GALNT13: variants seen among roughly 807,000 people sequenced by gnomAD.
GALNT13 encodes polypeptide N-acetylgalactosaminyltransferase 13.
Under a neutral mutation model 64.2 loss-of-function variants are expected in GALNT13, and 28 were observed. The ratio of observed to expected loss-of-function variants is 0.44; its 90% CI spans 0.32 to 0.60. The LOEUF (loss-of-function observed/expected upper bound fraction) is 0.60, where lower values mean the gene tolerates loss of function less well. Among genes scored for constraint, GALNT13 ranks in the 20% least tolerant of loss-of-function variants. GALNT13 has a pLI of 0.05. For missense variants in GALNT13, 577 were observed against 669.8 expected (o/e 0.86, Z 1.53); for synonymous variants, 214 against 224.6 (o/e 0.95, Z 0.42).
At chr2:153,666,710 C>G in the GALNT13 span, among the ~76,000 whole-genome samples, 8 of 152,146 alleles carry the variant, frequency 5.3e-5, no homozygotes, top group Non-Finnish European at 1.0e-4. Context: ...TTGGCCCACA[C>G]AAATGAGAAA....
the GALNT13 span, among the ~76,000 whole-genome samples, chr2:153,512,535 T>C: frequency 6.6e-6 from 1 of 152,184 alleles, no homozygotes; most frequent in Non-Finnish European, 1.5e-5. Context: ...TCACACTTCC[T>C]TTGCTTACTA....
intron 3 of GALNT13, among the ~76,000 whole-genome samples, chr2:154,104,176 G>A (rs959212205): frequency 6.6e-6 from 1 of 151,118 alleles, no homozygotes; most frequent in African/African-American, 2.4e-5. Context: ...TTATCTTCAG[G>A]GCATGATGCA....
At chr2:154,428,927 A>C (rs1032512016) in intron 11 of GALNT13, among the ~76,000 whole-genome samples, 3 of 151,814 alleles carry the variant, frequency 2.0e-5, no homozygotes, top group Admixed American at 2.0e-4. Flanking sequence ...GCCACCACTA[A>C]CTATTGTTAA....
Position 153,884,785 on chromosome 2 carries a change from A to ATATATATATATATATG in GALNT13, c.-177+12483_-177+12484insATATATATATATATGT, listed in dbSNP as rs1450308010. On this transcript the variant is annotated intron_variant, in intron 1 of 12. Coordinates refer to ENST00000392825, the MANE Select transcript of GALNT13 (RefSeq NM_052917.4). Reference sequence around the variant, plus strand: ...AATACGAATATATATATATATATATATGTGTGTGTATATATATATATGTGT... The same window carrying ATATATATATATATATG: ...AATACGAATATATATATATATATATATATATATATATATATGTGTGTGTGTATATATATATATGTGT... Among the ~76,000 whole-genome samples the ATATATATATATATATG allele has an allele frequency of 1.7e-3, 212 of 122,490 alleles. 7 individuals are homozygous for ATATATATATATATATG. Among genetic ancestry groups the ATATATATATATATATG allele is most frequent in the African/African-American group, 7.0e-3 (199 of 28,596 alleles). 80.4% of individuals were successfully genotyped at this position (122,490 alleles called of 152,430 possible).
In GALNT13 at chr2:154,299,088, T is replaced by C. The variant is rs1036124286; in HGVS notation, c.976-2321T>C. ...AAAATATATATTTTATATTATTTAATGGTAAAAGGAAACAGATAGGATATA... is the reference window on the plus strand; with the variant it reads ...AAAATATATATTTTATATTATTTAACGGTAAAAGGAAACAGATAGGATATA... On this transcript the variant is annotated intron_variant, in intron 8 of 12. Transcript: ENST00000392825. 2.7e-5 allele frequency among the ~76,000 whole-genome samples: 4 copies of C among 148,810 alleles called. No homozygotes were observed. The East Asian group carries it at 5.8e-4, about 22-fold the overall frequency.
At chr2:153,802,695 G>A in the GALNT13 span, among the ~76,000 whole-genome samples, 1 of 152,338 alleles carries the variant, frequency 6.6e-6, no homozygotes, top group South Asian at 2.1e-4. Flanking sequence ...CTGCAGAGGA[G>A]AAATAGCTTC....
At chr2:153,655,619 T>A in the GALNT13 span, among the ~76,000 whole-genome samples, 1 of 152,126 alleles carries the variant, frequency 6.6e-6, no homozygotes, top group South Asian at 2.1e-4. Context: ...GTTATGAAAC[T>A]CATTCAGAAT....
chr2:154,082,757 T>G lies in GALNT13; in HGVS notation c.143-57580T>G, dbSNP rs556948699. ...TCCTTTGCCCACTTTTTGATGGGTTTGTTTGTTTGTTTCTTGAAAATTTGT... is the reference window on the plus strand; with the variant it reads ...TCCTTTGCCCACTTTTTGATGGGTTGGTTTGTTTGTTTCTTGAAAATTTGT... On this transcript the variant is annotated intron_variant, in intron 3 of 12. Transcript: ENST00000392825. Among the ~76,000 whole-genome samples the G allele has an allele frequency of 4.4e-4, 67 of 151,928 alleles. No homozygotes were observed. In the South Asian group the frequency reaches 0.012, roughly 28 times the overall value.
At chr2:154,025,280 G>A (rs979302740) in intron 3 of GALNT13, among the ~76,000 whole-genome samples, 8 of 152,166 alleles carry the variant, frequency 5.3e-5, no homozygotes, top group Non-Finnish European at 1.2e-4. Flanking sequence ...GCTGTAGACT[G>A]GAGCTGTTCC....
At chr2:154,406,063 T>G (rs986054988) in intron 10 of GALNT13, among the ~76,000 whole-genome samples, 1 of 152,120 alleles carries the variant, frequency 6.6e-6, no homozygotes, top group African/African-American at 2.4e-5. Context: ...GCCACAGATA[T>G]ATTTATCAAC....
At chr2:153,758,352 C>T in the GALNT13 span, among the ~76,000 whole-genome samples, 1 of 148,536 alleles carries the variant, frequency 6.7e-6, no homozygotes, top group Non-Finnish European at 1.5e-5. Context: ...ATGGATGTGT[C>T]TATTCTTATG....
At chr2:153,758,100 T>A in the GALNT13 span, among the ~76,000 whole-genome samples, 1 of 152,164 alleles carries the variant, frequency 6.6e-6, no homozygotes, top group Non-Finnish European at 1.5e-5. Context: ...TCTCTTTTAG[T>A]AGTTTTACAG....
intron 4 of GALNT13, among the ~76,000 whole-genome samples, chr2:154,216,802 C>CTTTTTTTTT (rs397872685): frequency 8.4e-5 from 6 of 71,296 alleles, no homozygotes; most frequent in African/African-American, 1.6e-4. Flanking sequence ...TTCTCTCTCT[C>CTTTTTTTTT]TTTTTTTTTT....
At chr2:154,410,648 C>A (rs1699751327) in intron 11 of GALNT13, among the ~76,000 whole-genome samples, 1 of 151,836 alleles carries the variant, frequency 6.6e-6, no homozygotes, top group Admixed American at 6.6e-5. Context: ...TATTTAACCC[C>A]ACACTCACAA....
chr2:153,761,266 A>G, the GALNT13 span, among the ~76,000 whole-genome samples: 5 of 152,128 alleles, frequency 3.3e-5, no homozygotes, highest in Admixed American at 3.3e-4. Context: ...ACCATTTTGT[A>G]ATTTATTTTC....
chr2:153,918,977 A>G (rs1456371688), intron 2 of GALNT13, among the ~76,000 whole-genome samples: 13 of 152,224 alleles, frequency 8.5e-5, no homozygotes, highest in African/African-American at 3.1e-4. Context: ...AAGCTCACCA[A>G]AGTTAGTTGT....
the GALNT13 span, among the ~76,000 whole-genome samples, chr2:153,825,607 G>GGTGTGTGTGTGTGT: frequency 3.5e-5 from 4 of 114,826 alleles, no homozygotes; most frequent in African/African-American, 1.0e-4. Flanking sequence ...TTCCATGAGT[G>GGTGTGTGTGTGTGT]CTGTGTGTGT....
At chr2:154,362,925 A>C (rs1697157739) in intron 9 of GALNT13, among the ~76,000 whole-genome samples, 1 of 152,178 alleles carries the variant, frequency 6.6e-6, no homozygotes, top group South Asian at 2.1e-4. Context: ...TCATTATAAC[A>C]GATTTAAATC....
At chr2:154,419,336 G>A (rs1332138056) in intron 11 of GALNT13, among the ~76,000 whole-genome samples, 1 of 152,096 alleles carries the variant, frequency 6.6e-6, no homozygotes, top group African/African-American at 2.4e-5. Context: ...CCTGACAAGA[G>A]TTACTCAAAG....
Sources: gnomAD v4.1 joint callset for allele counts (sites outside exome capture counted in the v4.1 genomes callset) on GRCh38, gnomAD v4.1.1 for gene constraint, MANE v1.5 for transcripts, NCBI Gene and HGNC (gene_info 2026-07-23, HGNC 2026-07-21) for gene names.